CYP4B1: variants seen among roughly 807,000 people sequenced by gnomAD.
The protein encoded by CYP4B1 is cytochrome P450 4B1.
In CYP4B1, 45 loss-of-function variants were observed where a neutral mutation model predicts 54.0. That is an observed-to-expected ratio of 0.83 (90% CI 0.66 to 1.07). CYP4B1 has a LOEUF of 1.07. CYP4B1 is among the 50% of genes least tolerant of loss of function. The pLI is 0.00. For synonymous variants in CYP4B1, 248 were observed against 247.5 expected, an observed-to-expected ratio of 1.00 and a Z score of -0.02; for missense variants, 656 against 655.4, an observed-to-expected ratio of 1.00 and a Z score of -0.01.
intron 8 of CYP4B1, among the ~76,000 whole-genome samples, chr1:46,816,017 T>C (rs769666715): frequency 6.6e-6 from 1 of 152,174 alleles, no homozygotes; most frequent in Non-Finnish European, 1.5e-5. Context: ...TAGATCCACT[T>C]GAAAGGGACT....
intron 9 of CYP4B1, 67 bp from the exon 10 acceptor site, chr1:46,817,898 G>A (rs1177067303): frequency 1.4e-6 from 2 of 1,446,234 alleles, no homozygotes; most frequent in African/African-American, 2.8e-5. Context: ...AGGGGACTCT[G>A]ACCTTATGTG....
intron 1 of CYP4B1, among the ~76,000 whole-genome samples, chr1:46,803,380 C>A (rs1185126978): frequency 6.6e-6 from 1 of 152,068 alleles, no homozygotes. Flanking sequence ...GGCGTTGAGA[C>A]CTCCACCATA....
intron 1 of CYP4B1, among the ~76,000 whole-genome samples, chr1:46,803,923 C>T (rs752089407): frequency 8.9e-4 from 135 of 152,178 alleles, no homozygotes; most frequent in Middle Eastern, 3.4e-3. Context: ...CAAAAGTGTA[C>T]GAACATGTGT....
chr1:46,816,974 G>A (rs1218702968), intron 8 of CYP4B1, 74 bp from the exon 9 acceptor site: 1 of 1,560,704 alleles, frequency 6.4e-7, no homozygotes, highest in African/African-American at 1.3e-5. Flanking sequence ...GAGGAAAACT[G>A]GGGCTGGGGT....
rs1286630446 is a variant in CYP4B1 at position 46,812,603 on chromosome 1, G to A, written c.475G>A (p.Glu159Lys). 6.2e-7 allele frequency: 1 copy of A among 1,613,828 alleles called. No homozygotes were observed. The highest frequency in any genetic ancestry group is 1.7e-5 in the Admixed American group (1 of 59,982). ...GAAGCCCTATGTGGCCGTGTTCACT[G>A]AGTCTACACGTATCATGCTGGTGAG... ...VLKPYVAVFTESTRIMLDKWE... is the reference protein window; with the variant it reads ...VLKPYVAVFTKSTRIMLDKWE... Residue 159 changes from glutamate to lysine, a missense_variant, in exon 4 of 12, where the codon GAG becomes AAG. By Grantham distance (56) the Glu-to-Lys change is moderately conservative. Coordinates refer to ENST00000371923, the MANE Select transcript of CYP4B1 (RefSeq NM_001099772.2).
chr1:46,811,172 C>T lies in CYP4B1; in HGVS notation c.355C>T (p.Leu119Phe). Residue 119 changes from leucine to phenylalanine, a missense_variant, in exon 3 of 12, where the codon CTC (leucine) becomes TTC (phenylalanine). By Grantham distance (22) the Leu-to-Phe change is conservative (BLOSUM62 0). Coordinates refer to ENST00000371923, the MANE Select transcript of CYP4B1 (RefSeq NM_001099772.2). ...PKAPDVYDFF[L>F]QWIGRGLLVL... Reference sequence around the variant, plus strand: ...GGCCCCTGATGTGTATGACTTCTTCCTCCAGTGGATTGGTGAGTGAGCACC... The same window carrying T: ...GGCCCCTGATGTGTATGACTTCTTCTTCCAGTGGATTGGTGAGTGAGCACC... The T allele has an allele frequency of 6.2e-7, 1 of 1,614,152 alleles. No individual in the cohort carries two copies. The highest frequency in any genetic ancestry group is 1.1e-5 in the South Asian group (1 of 91,076).
chr1:46,816,480 G>A (rs1016163887), intron 8 of CYP4B1, among the ~76,000 whole-genome samples: 2 of 152,026 alleles, frequency 1.3e-5, no homozygotes, highest in African/African-American at 2.4e-5. Context: ...TGAAAAATAA[G>A]AGCCAGTGGG....
At chr1:46,811,418 G>A (rs1285520446) in intron 3 of CYP4B1, among the ~76,000 whole-genome samples, 1 of 152,226 alleles carries the variant, frequency 6.6e-6, no homozygotes, top group Non-Finnish European at 1.5e-5. Flanking sequence ...CAAAGGCTTT[G>A]GAGAATGTGT....
In CYP4B1 at chr1:46,813,621, C is replaced by G; in HGVS notation, c.620+15C>G. 1 of 1,613,220 alleles carries G rather than the reference C, an allele frequency of 6.2e-7. No individual in the cohort carries two copies. Among genetic ancestry groups the G allele is most frequent in the East Asian group, 2.2e-5 (1 of 44,852 alleles). The stretch of plus-strand genomic sequence containing the variant: ...CTGGGCCACAGGTCAGGAGCCACCT[C>G]GGGGCTGACCGCACTGTCTCCAAAG... On this transcript the variant is annotated intron_variant, in intron 5 of 11. Coordinates refer to ENST00000371923, the MANE Select transcript of CYP4B1 (RefSeq NM_001099772.2).
At chr1:46,809,530 T>C (rs1306117913) in intron 1 of CYP4B1, among the ~76,000 whole-genome samples, 1 of 152,234 alleles carries the variant, frequency 6.6e-6, no homozygotes, top group Non-Finnish European at 1.5e-5. Flanking sequence ...AACCTCTCTA[T>C]TCCTTAGGCT....
At position 46,818,666 on chromosome 1, in the gene CYP4B1, T is replaced by G; in HGVS notation, c.1391T>G (p.Met464Arg). The change falls in exon 12 of 12, where the codon ATG becomes AGG. Residue 464 changes from methionine to arginine, a missense_variant. Met to Arg is a moderately conservative substitution (Grantham distance 91). Coordinates refer to ENST00000371923, the MANE Select transcript of CYP4B1 (RefSeq NM_001099772.2). Reference protein sequence around the residue: ...CIGQQFAMSEMKVVTAMCLLR... With the variant: ...CIGQQFAMSERKVVTAMCLLR... ...GGGCAGCAGTTTGCCATGAGTGAGA[T>G]GAAGGTGGTCACAGCCATGTGCTTG... The G allele has an allele frequency of 6.2e-7, 1 of 1,614,208 alleles. No homozygotes were observed. The highest frequency in any genetic ancestry group is 8.5e-7 in the Non-Finnish European group (1 of 1,180,016).
chr1:46,807,091 G>A (rs1466404036), intron 1 of CYP4B1, among the ~76,000 whole-genome samples: 1 of 152,158 alleles, frequency 6.6e-6, no homozygotes, highest in East Asian at 1.9e-4. Flanking sequence ...TAAAAGTTTG[G>A]CCATCGCTTG....
intron 1 of CYP4B1, among the ~76,000 whole-genome samples, chr1:46,804,655 G>T (rs1252674461): frequency 6.6e-6 from 1 of 151,930 alleles, no homozygotes; most frequent in Non-Finnish European, 1.5e-5. Context: ...CAGGTGGGGT[G>T]GTCCTTCAGG....
At chr1:46,814,601 T>A (rs534162380) in intron 7 of CYP4B1, among the ~76,000 whole-genome samples, 3 of 152,204 alleles carry the variant, frequency 2.0e-5, no homozygotes, top group East Asian at 3.9e-4. Context: ...AATCCTAGAA[T>A]CTTAGACTTC....
At chr1:46,817,473 C>G (rs773570371) in intron 9 of CYP4B1, 48 of 480,774 alleles carry the variant, frequency 1.0e-4, no homozygotes, top group Non-Finnish European at 1.6e-4. Flanking sequence ...AGGTCATGCC[C>G]TGAACAGCAC....
intron 8 of CYP4B1, among the ~76,000 whole-genome samples, chr1:46,816,534 T>C (rs1473482729): frequency 6.6e-6 from 1 of 150,622 alleles, no homozygotes; most frequent in Non-Finnish European, 1.5e-5. Context: ...GTAGTTATAG[T>C]TGGATGTCAC....
At chr1:46,818,336 T>C in intron 11 of CYP4B1, 123 bp downstream of exon 11, 1 of 950,116 alleles carries the variant, frequency 1.1e-6, no homozygotes, top group Non-Finnish European at 1.6e-6. Flanking sequence ...TTTGTGGTGG[T>C]TCTAATGCAG....
Position 46,819,047 on chromosome 1 carries a change from T to C in CYP4B1, c.*233T>C. The C allele has an allele frequency of 2.3e-6, 1 of 431,708 alleles. No individual in the cohort carries two copies. The allele number at this position is 431,708 out of a possible 1,614,324, so 26.7% of individuals were successfully genotyped here. A position where few individuals can be genotyped will look rare whatever the true frequency, so the allele number is the denominator to read the frequency against. On this transcript the variant is annotated 3_prime_UTR_variant, in exon 12 of 12. Coordinates refer to ENST00000371923, the MANE Select transcript of CYP4B1 (RefSeq NM_001099772.2). The stretch of plus-strand genomic sequence containing the variant: ...AGCTCATTCATTTATTCAACAAACA[T>C]TTGGTGAGCACCTATTTCGTTCGAG...
intron 3 of CYP4B1, 46 bp from the exon 4 acceptor site, chr1:46,812,450 C>T: frequency 6.3e-7 from 1 of 1,580,788 alleles, no homozygotes; most frequent in African/African-American, 1.3e-5. Flanking sequence ...CCCCAGGCTG[C>T]CAGGGCCTGG....
Sources: allele counts gnomAD v4.1 joint callset (sites outside exome capture counted in the v4.1 genomes callset), GRCh38; gene constraint gnomAD v4.1.1; transcripts MANE v1.5; gene names NCBI Gene and HGNC (gene_info 2026-07-23, HGNC 2026-07-21).